KDM4C: variants seen among roughly 807,000 people sequenced by gnomAD.
The protein encoded by KDM4C is lysine demethylase 4C, also known as lysine-specific demethylase 4C.
KDM4C carries 81 observed loss-of-function variants against 129.3 expected under a neutral mutation model. The observed-to-expected ratio is 0.63, with a 90% CI of 0.52 to 0.75. The LOEUF is 0.75. Among genes scored for constraint, KDM4C ranks in the 30% least tolerant of loss-of-function variants. KDM4C has a pLI of 0.00. For synonymous variants in KDM4C, 573 were observed against 456.1 expected (o/e 1.26, Z -3.26); for missense variants, 1,457 against 1,304.0 (o/e 1.12, Z -1.81).
chr9:6,795,394 C>T (rs1291540678), intron 2 of KDM4C, among the ~76,000 whole-genome samples: 2 of 152,200 alleles, frequency 1.3e-5, no homozygotes, highest in African/African-American at 4.8e-5. Flanking sequence ...TGCAGAGGCA[C>T]GATCTCAGCT....
Position 6,973,337 on chromosome 9 carries a change from A to T in KDM4C, c.922-7588A>T, listed in dbSNP as rs534390857. On this transcript the variant is annotated intron_variant, in intron 8 of 21. Coordinates refer to ENST00000381309, the MANE Select transcript of KDM4C (RefSeq NM_015061.6). ...GGATTACAGGCGTGAGCCCCACTGC[A>T]CCCAGCCCCTGACCATATTGTTAAC... 1.1e-4 allele frequency among the ~76,000 whole-genome samples: 17 copies of T among 152,224 alleles called. No individual in the cohort carries two copies. In the East Asian group the frequency reaches 3.3e-3, roughly 29 times the overall value.
At chr9:6,729,393 T>C (rs1315935706) in intron 1 of KDM4C, among the ~76,000 whole-genome samples, 1 of 128,108 alleles carries the variant, frequency 7.8e-6, no homozygotes, top group Non-Finnish European at 1.6e-5. Context: ...TACAAAAAAC[T>C]AGCCAGGTGT....
chr9:7,045,840 CT>C (rs1374959900), intron 15 of KDM4C, among the ~76,000 whole-genome samples: 16 of 152,056 alleles, frequency 1.1e-4, no homozygotes, highest in Admixed American at 9.8e-4. Context: ...TATCGTTTTC[CT>C]CAGAAAAGTA....
rs575032419 is a variant in KDM4C, at chr9:6,845,728, C to T, written c.436-3779C>T. On this transcript the variant is annotated intron_variant, in intron 4 of 21. Transcript: ENST00000381309. Reference sequence around the variant, plus strand: ...AATTGGCATGAAAGGAGAAAGGGGCCGGGGCACGTAGACTCCCAGGCTTAG... The same window carrying T: ...AATTGGCATGAAAGGAGAAAGGGGCTGGGGCACGTAGACTCCCAGGCTTAG... Among the ~76,000 whole-genome samples, 23 of 152,184 alleles carry T rather than the reference C, an allele frequency of 1.5e-4. No individual in the cohort carries two copies. The South Asian group carries it at 3.3e-3, about 22-fold the overall frequency.
At chr9:7,083,403 C>A (rs767246423) in intron 17 of KDM4C, among the ~76,000 whole-genome samples, 3 of 152,180 alleles carry the variant, frequency 2.0e-5, no homozygotes, top group Non-Finnish European at 2.9e-5. Flanking sequence ...AATGGGGATG[C>A]ATTCTGAGAA....
chr9:6,871,963 G>C (rs896821402), intron 5 of KDM4C, among the ~76,000 whole-genome samples: 1 of 152,200 alleles, frequency 6.6e-6, no homozygotes, highest in African/African-American at 2.4e-5. Context: ...AAAGGGATGA[G>C]ATGGCTGAAA....
intron 15 of KDM4C, among the ~76,000 whole-genome samples, chr9:7,045,020 A>G (rs1489001598): frequency 1.3e-5 from 2 of 151,974 alleles, no homozygotes; most frequent in Non-Finnish European, 2.9e-5. Context: ...TGTCTATTAG[A>G]TACTGTGACT....
intron 3 of KDM4C, among the ~76,000 whole-genome samples, chr9:6,807,810 C>G (rs1184258477): frequency 1.1e-4 from 16 of 147,544 alleles, no homozygotes; most frequent in Non-Finnish European, 1.7e-4. Flanking sequence ...GTCAGCCCCC[C>G]GCCCGGCCAG....
chr9:7,040,139 G>T (rs1038292956), intron 15 of KDM4C, among the ~76,000 whole-genome samples: 2 of 152,042 alleles, frequency 1.3e-5, no homozygotes, highest in Non-Finnish European at 2.9e-5. Flanking sequence ...CATGAACAGT[G>T]TAAGACTCTT....
intron 2 of KDM4C, among the ~76,000 whole-genome samples, chr9:6,794,671 A>G (rs1246094136): frequency 6.6e-6 from 1 of 152,058 alleles, no homozygotes; most frequent in Non-Finnish European, 1.5e-5. Context: ...AAGATGGGAG[A>G]AGTTGTCTTT....
At chr9:6,924,766 A>G (rs913161999) in intron 8 of KDM4C, 4 of 984,008 alleles carry the variant, frequency 4.1e-6, no homozygotes, top group South Asian at 9.4e-5. Context: ...AAAACTTAAA[A>G]TGTTTAAAGT....
chr9:7,037,206 T>G (rs1827805333), intron 15 of KDM4C, among the ~76,000 whole-genome samples: 1 of 152,196 alleles, frequency 6.6e-6, no homozygotes, highest in African/African-American at 2.4e-5. Flanking sequence ...TATGAACGTG[T>G]CAGATAAATG....
chr9:6,765,911 C>T (rs1820537686), intron 1 of KDM4C, among the ~76,000 whole-genome samples: 1 of 152,060 alleles, frequency 6.6e-6, no homozygotes, highest in Non-Finnish European at 1.5e-5. Flanking sequence ...GCCTCAGTCT[C>T]CTGAGTAGCT....
At chr9:6,774,398 C>T (rs755981127) in intron 1 of KDM4C, among the ~76,000 whole-genome samples, 3 of 152,164 alleles carry the variant, frequency 2.0e-5, no homozygotes, top group Non-Finnish European at 2.9e-5. Flanking sequence ...GGCGTGGTGG[C>T]TCATGCCTGT....
At chr9:7,164,803 T>C (rs1467893282) in intron 19 of KDM4C, among the ~76,000 whole-genome samples, 1 of 152,164 alleles carries the variant, frequency 6.6e-6, no homozygotes, top group African/African-American at 2.4e-5. Flanking sequence ...ATGGGGATAA[T>C]TAATAGTCTC....
chr9:6,867,079 G>C (rs1380756212), intron 5 of KDM4C, among the ~76,000 whole-genome samples: 2 of 147,122 alleles, frequency 1.4e-5, no homozygotes, highest in Non-Finnish European at 3.0e-5. Context: ...GCAGTGGTGT[G>C]ATCTCAGCTC....
chr9:6,738,977 C>T (rs1031426391), intron 1 of KDM4C, among the ~76,000 whole-genome samples: 3 of 152,004 alleles, frequency 2.0e-5, no homozygotes, highest in African/African-American at 7.2e-5. Context: ...TATTCTCCCA[C>T]CTCAGCCTCC....
chr9:6,774,900 A>G (rs1474974056), intron 1 of KDM4C, among the ~76,000 whole-genome samples: 2 of 152,224 alleles, frequency 1.3e-5, no homozygotes, highest in Non-Finnish European at 2.9e-5. Flanking sequence ...CTTTAAAAAA[A>G]TGGATTTGTC....
intron 8 of KDM4C, among the ~76,000 whole-genome samples, chr9:6,954,746 A>G (rs1277479247): frequency 6.6e-6 from 1 of 152,224 alleles, no homozygotes; most frequent in Non-Finnish European, 1.5e-5. Context: ...AGTGAAAGCC[A>G]GTAACTATTG....
Sources: allele counts gnomAD v4.1 joint callset (sites outside exome capture counted in the v4.1 genomes callset), GRCh38; gene constraint gnomAD v4.1.1; transcripts MANE v1.5; gene names NCBI Gene and HGNC (gene_info 2026-07-23, HGNC 2026-07-21).